Variants in SAMMSON observed in about 807,000 individuals in gnomAD.
SAMMSON encodes the protein long intergenic non-protein coding RNA 1212.
At chr3:70,146,602 AAT>A (rs1198987168) in intron 4 of SAMMSON, among the ~76,000 whole-genome samples, 2 of 152,028 alleles carry the variant, frequency 1.3e-5, no homozygotes, top group Non-Finnish European at 2.9e-5. Flanking sequence ...TGATTCCACA[AAT>A]TTCAAAACCA....
intron 3 of SAMMSON, among the ~76,000 whole-genome samples, chr3:70,020,362 T>G (rs555119450): frequency 6.6e-6 from 1 of 152,276 alleles, no homozygotes; most frequent in Admixed American, 6.5e-5. Flanking sequence ...AGAGTACAAT[T>G]TTTGACCTCT....
chr3:70,063,102 C>T (rs1040653410), intron 3 of SAMMSON, among the ~76,000 whole-genome samples: 4 of 151,346 alleles, frequency 2.6e-5, no homozygotes, highest in Admixed American at 6.6e-5. Flanking sequence ...CCACCCCCGC[C>T]GCATTGACTT....
At chr3:70,249,357 G>A (rs1470712706) in intron 5 of SAMMSON, among the ~76,000 whole-genome samples, 2 of 152,116 alleles carry the variant, frequency 1.3e-5, no homozygotes, top group Non-Finnish European at 2.9e-5. Context: ...TGTCTAAGGG[G>A]GGGATCTATC....
intron 2 of SAMMSON, among the ~76,000 whole-genome samples, chr3:70,433,407 C>A: frequency 6.6e-6 from 1 of 152,050 alleles, no homozygotes; most frequent in East Asian, 1.9e-4. Flanking sequence ...TGATAGTATT[C>A]AATGGTGAGT....
intron 4 of SAMMSON, among the ~76,000 whole-genome samples, chr3:70,221,296 T>C (rs533501766): frequency 1.1e-4 from 17 of 152,264 alleles, no homozygotes; most frequent in African/African-American, 3.4e-4. Context: ...CTAAGTGCTT[T>C]AAATGAATTC....
intron 7 of SAMMSON, among the ~76,000 whole-genome samples, chr3:70,311,461 A>G (rs1056576990): frequency 2.6e-5 from 4 of 152,192 alleles, no homozygotes; most frequent in Non-Finnish European, 5.9e-5. Flanking sequence ...CTCTAATTGC[A>G]GTGAATGGTG....
intron 4 of SAMMSON, among the ~76,000 whole-genome samples, chr3:70,210,560 A>G (rs1701333158): frequency 6.6e-6 from 1 of 152,106 alleles, no homozygotes; most frequent in South Asian, 2.1e-4. Context: ...TCGACATTGC[A>G]CCCAAAGTAC....
At chr3:70,255,741 TC>T (rs2106656371) in intron 6 of SAMMSON, among the ~76,000 whole-genome samples, 1 of 152,144 alleles carries the variant, frequency 6.6e-6, no homozygotes, top group Non-Finnish European at 1.5e-5. Context: ...ACAGGTATGA[TC>T]CCCCGTACCC....
chr3:70,174,759 G>T (rs1166198411), intron 4 of SAMMSON, among the ~76,000 whole-genome samples: 1 of 101,150 alleles, frequency 9.9e-6, no homozygotes, highest in Non-Finnish European at 2.4e-5. Flanking sequence ...CAAGGTCTAA[G>T]ATTTTTTTTT....
At chr3:70,311,950 C>T (rs1349924364) in intron 7 of SAMMSON, 1 of 397,694 alleles carries the variant, frequency 2.5e-6, no homozygotes, top group Non-Finnish European at 4.4e-6. Flanking sequence ...TTACTTTTAT[C>T]TTTTCCAGCT....
Position 70,186,258 on chromosome 3 carries a change from A to G in SAMMSON, n.508-62849A>G, listed in dbSNP as rs565737934. On this transcript the variant is annotated intron_variant and non_coding_transcript_variant, in intron 4 of 9. Coordinates refer to ENST00000642114, the Ensembl canonical transcript of SAMMSON. ...AGTAATGTTCTTCTCATTTTCAATA[A>G]TGGGATTTTTTTTTTTTTTTAGACA... is the stretch of plus-strand genomic sequence containing the variant. Among the ~76,000 whole-genome samples, 3 of 131,822 alleles carry G rather than the reference A, an allele frequency of 2.3e-5. No homozygotes were observed. In the East Asian group the frequency reaches 1.1e-3, roughly 48 times the overall value. The allele number at this position is 131,822 out of a possible 152,430, so 86.5% of individuals were successfully genotyped here. A position where few individuals can be genotyped will look rare whatever the true frequency, so the allele number is the denominator to read the frequency against.
At chr3:70,123,943 T>C (rs574838989) in intron 4 of SAMMSON, among the ~76,000 whole-genome samples, 1 of 152,332 alleles carries the variant, frequency 6.6e-6, no homozygotes, top group South Asian at 2.1e-4. Flanking sequence ...GGAAGTAGCA[T>C]AGCAGGAATG....
chr3:70,022,241 G>T (rs940651780), intron 3 of SAMMSON, among the ~76,000 whole-genome samples: 2 of 132,630 alleles, frequency 1.5e-5, no homozygotes, highest in East Asian at 5.0e-4. Flanking sequence ...CCCCCCAAAT[G>T]TACCTAATTT....
chr3:70,263,362 A>G (rs926416856), intron 6 of SAMMSON, among the ~76,000 whole-genome samples: 1 of 151,988 alleles, frequency 6.6e-6, no homozygotes, highest in Non-Finnish European at 1.5e-5. Flanking sequence ...TTTTAATTTT[A>G]TTTTAAAACT....
intron 7 of SAMMSON, among the ~76,000 whole-genome samples, chr3:70,294,615 G>C (rs967102936): frequency 1.3e-5 from 2 of 152,096 alleles, no homozygotes; most frequent in African/African-American, 2.4e-5. Flanking sequence ...CATGCTTTCA[G>C]CTGCAAATAA....
chr3:70,384,293 G>T (rs531550791), intron 9 of SAMMSON, among the ~76,000 whole-genome samples: 13 of 151,816 alleles, frequency 8.6e-5, no homozygotes, highest in Non-Finnish European at 1.9e-4. Context: ...ATGATCTGAA[G>T]GTGACCACTG....
At chr3:70,269,700 G>A (rs1311429195) in intron 6 of SAMMSON, among the ~76,000 whole-genome samples, 2 of 151,834 alleles carry the variant, frequency 1.3e-5, no homozygotes, top group South Asian at 4.2e-4. Context: ...TAATATAGTG[G>A]CAAAAAACTA....
rs1180114058 is a variant in SAMMSON at position 70,041,723 on chromosome 3, G to C, written n.417+28051G>C. On this transcript the variant is annotated intron_variant and non_coding_transcript_variant, in intron 3 of 9. Coordinates refer to ENST00000642114, the Ensembl canonical transcript of SAMMSON. Reference sequence around the variant, plus strand: ...TTTCCATAGCATTTACATTGTATTAGGTGTTATTAGTAATCTAGAGATGAT... The same window carrying C: ...TTTCCATAGCATTTACATTGTATTACGTGTTATTAGTAATCTAGAGATGAT... Among the ~76,000 whole-genome samples, 3 of 152,054 alleles carry C rather than the reference G, an allele frequency of 2.0e-5. No individual in the cohort carries two copies. In the East Asian group the frequency reaches 5.8e-4, roughly 29 times the overall value.
intron 4 of SAMMSON, among the ~76,000 whole-genome samples, chr3:70,152,015 A>G (rs1450867278): frequency 1.3e-5 from 2 of 152,076 alleles, no homozygotes; most frequent in Non-Finnish European, 2.9e-5. Flanking sequence ...GAAGGAAAGC[A>G]TAGCTGTGTT....
Sources: gnomAD v4.1 joint callset for allele counts (sites outside exome capture counted in the v4.1 genomes callset) on GRCh38, gnomAD v4.1.1 for gene constraint, MANE v1.5 for transcripts, NCBI Gene and HGNC (gene_info 2026-07-23, HGNC 2026-07-21) for gene names.